PDGFC: variants seen among roughly 807,000 people sequenced by gnomAD.
The protein encoded by PDGFC is platelet derived growth factor C.
PDGFC carries 12 observed loss-of-function variants against 35.5 expected under a neutral mutation model. The observed-to-expected ratio is 0.34, with a 90% confidence interval of 0.22 to 0.55. The LOEUF (loss-of-function observed/expected upper bound fraction) is 0.55. Among genes scored for constraint, PDGFC ranks in the 20% least tolerant of loss-of-function variants. PDGFC has a pLI of 0.91. For synonymous variants in PDGFC, 159 were observed against 148.8 expected (o/e 1.07, Z -0.50); for missense variants, 322 against 412.4 (o/e 0.78, Z 1.90).
At chr4:156,789,976 C>CA (rs750843965) in intron 3 of PDGFC, among the ~76,000 whole-genome samples, 6,213 of 55,634 alleles carry the variant, frequency 0.11, 507 homozygotes, top group South Asian at 0.24. Flanking sequence ...GTCTCCATCT[C>CA]AAAAAAAAAA....
rs1730930378 is a variant in PDGFC at position 156,907,044 on chromosome 4, C to G, written c.119-56628G>C. 2.0e-5 allele frequency among the ~76,000 whole-genome samples: 3 copies of G among 152,102 alleles called. No homozygotes were observed. In the South Asian group the frequency reaches 6.2e-4, roughly 32 times the overall value. On this transcript the variant is annotated intron_variant, in intron 1 of 5. Transcript: ENST00000502773. ...TGTCTAATAAACAAATAACAATCTA[C>G]TGTTTATGAAATCTGTTTATTTTAC...
intron 1 of PDGFC, among the ~76,000 whole-genome samples, chr4:156,891,957 C>A (rs1245962292): frequency 6.6e-6 from 1 of 152,060 alleles, no homozygotes; most frequent in African/African-American, 2.4e-5. Flanking sequence ...ATTCAAAATG[C>A]CATGATAACA....
At chr4:156,917,033 T>C (rs1048720213) in intron 1 of PDGFC, among the ~76,000 whole-genome samples, 5 of 152,068 alleles carry the variant, frequency 3.3e-5, no homozygotes, top group African/African-American at 1.2e-4. Flanking sequence ...ATCAATTTGA[T>C]AAAATGAAAA....
chr4:156,884,430 G>A (rs1168374313), intron 1 of PDGFC, among the ~76,000 whole-genome samples: 3 of 152,114 alleles, frequency 2.0e-5, no homozygotes, highest in African/African-American at 7.2e-5. Flanking sequence ...AACCTAGCAT[G>A]GAAGACAGCT....
intron 1 of PDGFC, among the ~76,000 whole-genome samples, chr4:156,868,666 T>C (rs1366305520): frequency 6.6e-6 from 1 of 152,210 alleles, no homozygotes; most frequent in East Asian, 1.9e-4. Flanking sequence ...GTTATAACAG[T>C]TTTCTATCAG....
chr4:156,830,554 T>C (rs1728902258), intron 2 of PDGFC, among the ~76,000 whole-genome samples: 1 of 152,142 alleles, frequency 6.6e-6, no homozygotes, highest in South Asian at 2.1e-4. Flanking sequence ...GGCGAGACAG[T>C]ATATTTCACC....
intron 1 of PDGFC, among the ~76,000 whole-genome samples, chr4:156,915,972 T>G: frequency 6.6e-6 from 1 of 152,078 alleles, no homozygotes; most frequent in Non-Finnish European, 1.5e-5. Flanking sequence ...TCCAAGTTTC[T>G]CTGTGATAGC....
chr4:156,907,672 G>A (rs962722307), intron 1 of PDGFC, among the ~76,000 whole-genome samples: 2 of 152,128 alleles, frequency 1.3e-5, no homozygotes, highest in South Asian at 2.1e-4. Context: ...ATCTCAAGAT[G>A]GATGTGGTGG....
intron 1 of PDGFC, among the ~76,000 whole-genome samples, chr4:156,918,905 G>C (rs1477820245): frequency 2.0e-5 from 3 of 152,168 alleles, no homozygotes; most frequent in South Asian, 2.1e-4. Flanking sequence ...TGAATGTACA[G>C]TTCATGACGG....
chr4:156,807,545 A>C (rs560300400), intron 3 of PDGFC, among the ~76,000 whole-genome samples: 9 of 152,150 alleles, frequency 5.9e-5, no homozygotes, highest in Admixed American at 5.9e-4. Flanking sequence ...TCATAAACTG[A>C]GGAAAAAAAG....
At chr4:156,824,329 C>CACACATATACACAT (rs1560827568) in intron 2 of PDGFC, among the ~76,000 whole-genome samples, 26 of 79,220 alleles carry the variant, frequency 3.3e-4, no homozygotes, top group African/African-American at 1.8e-3. Flanking sequence ...TATATATATA[C>CACACATATACACAT]ACACACACAC....
At chr4:156,952,990 A>G (rs916366958) in intron 1 of PDGFC, among the ~76,000 whole-genome samples, 9 of 151,928 alleles carry the variant, frequency 5.9e-5, no homozygotes, top group Non-Finnish European at 8.8e-5. Flanking sequence ...TCTTTTTATG[A>G]AAACACCAAG....
intron 1 of PDGFC, among the ~76,000 whole-genome samples, chr4:156,958,020 T>C (rs984533252): frequency 9.2e-5 from 14 of 152,024 alleles, no homozygotes; most frequent in Admixed American, 7.2e-4. Flanking sequence ...TAACAACTTT[T>C]CTCAGCCTTT....
chr4:156,965,345 C>T (rs1050878145), intron 1 of PDGFC, among the ~76,000 whole-genome samples: 2 of 152,054 alleles, frequency 1.3e-5, no homozygotes, highest in East Asian at 1.9e-4. Flanking sequence ...CTACAGGAAG[C>T]GATTCAAACA....
At chr4:156,901,734 TG>T (rs558386794) in intron 1 of PDGFC, among the ~76,000 whole-genome samples, 296 of 152,208 alleles carry the variant, frequency 1.9e-3, no homozygotes, top group African/African-American at 6.7e-3. Flanking sequence ...GTGATTCTCG[TG>T]CCTCGGCCTC....
chr4:156,925,325 A>G (rs535589647), intron 1 of PDGFC, among the ~76,000 whole-genome samples: 3 of 152,288 alleles, frequency 2.0e-5, no homozygotes, highest in Non-Finnish European at 4.4e-5. Flanking sequence ...AATAATGGCA[A>G]TCATGAGTGG....
intron 3 of PDGFC, among the ~76,000 whole-genome samples, chr4:156,794,661 T>C (rs1731392440): frequency 6.6e-6 from 1 of 152,122 alleles, no homozygotes. Context: ...TCTGGAATTC[T>C]ATTAAAGGGT....
intron 2 of PDGFC, among the ~76,000 whole-genome samples, chr4:156,844,902 A>G (rs188908032): frequency 2.6e-5 from 4 of 152,104 alleles, no homozygotes; most frequent in Non-Finnish European, 5.9e-5. Flanking sequence ...AAATATCAGA[A>G]AAGATACAGA....
intron 3 of PDGFC, among the ~76,000 whole-genome samples, chr4:156,807,778 A>T (rs1374743156): frequency 2.0e-5 from 3 of 152,072 alleles, no homozygotes; most frequent in African/African-American, 7.2e-5. Context: ...AAAGAATTTT[A>T]AAATAAACTT....
Sources: allele counts gnomAD v4.1 joint callset (sites outside exome capture counted in the v4.1 genomes callset), GRCh38; gene constraint gnomAD v4.1.1; transcripts MANE v1.5; gene names NCBI Gene and HGNC (gene_info 2026-07-23, HGNC 2026-07-21).